Variants in KDM4B observed in about 807,000 individuals in gnomAD.
The protein encoded by KDM4B is lysine demethylase 4B, also known as lysine-specific demethylase 4B.
A neutral mutation model predicts 125.2 loss-of-function variants in KDM4B; 32 were observed. The ratio of observed to expected loss-of-function variants is 0.26; its 90% CI spans 0.19 to 0.34. The LOEUF (loss-of-function observed/expected upper bound fraction) is 0.34, where lower values mean the gene tolerates loss of function less well. KDM4B is among the 10% of genes least tolerant of loss of function. KDM4B has a pLI of 1.00. For missense variants in KDM4B, 1,190 were observed against 1,577.7 expected (o/e 0.75, Z 4.16); for synonymous variants, 721 against 677.9 (o/e 1.06, Z -0.99).
At chr19:5,139,342 C>G (rs1684737049) in intron 18 of KDM4B, among the ~76,000 whole-genome samples, 1 of 151,502 alleles carries the variant, frequency 6.6e-6, no homozygotes, top group Non-Finnish European at 1.5e-5. Flanking sequence ...GATCCGGGCA[C>G]CCGCCGATGT....
At chr19:5,038,796 C>T (rs575850625) in intron 3 of KDM4B, among the ~76,000 whole-genome samples, 1 of 152,382 alleles carries the variant, frequency 6.6e-6, no homozygotes, top group Non-Finnish European at 1.5e-5. Context: ...GCACGCTCTG[C>T]ACAGTGCCCA....
At chr19:5,093,002 T>C (rs548912710) in intron 9 of KDM4B, among the ~76,000 whole-genome samples, 1 of 152,326 alleles carries the variant, frequency 6.6e-6, no homozygotes, top group Admixed American at 6.5e-5. Flanking sequence ...CTGTGGTTCA[T>C]ACCTGGAGCT....
chr19:5,089,661 T>C (rs1320348931), intron 9 of KDM4B, among the ~76,000 whole-genome samples: 2 of 151,522 alleles, frequency 1.3e-5, no homozygotes, highest in African/African-American at 2.4e-5. Context: ...CTTAAAAATA[T>C]GCACTAACTT....
chr19:5,063,428 G>T (rs1458953254), intron 6 of KDM4B, among the ~76,000 whole-genome samples: 1 of 152,154 alleles, frequency 6.6e-6, no homozygotes, highest in African/African-American at 2.4e-5. Flanking sequence ...CCTACTGCTT[G>T]CCAACCATGT....
chr19:4,969,177 G>T lies in KDM4B; in HGVS notation c.-162G>T, dbSNP rs1375039131. ...GCGGGGCCTGGGGGTGCGACGCCGAGGGCGGGGGAGAGCGCGCCGCTGCTC... is the reference window on the plus strand; with the variant it reads ...GCGGGGCCTGGGGGTGCGACGCCGATGGCGGGGGAGAGCGCGCCGCTGCTC... On this transcript the variant is annotated 5_prime_UTR_variant, in exon 1 of 23. It adds an upstream start codon to the 5' untranslated region. Coordinates refer to ENST00000159111, the MANE Select transcript of KDM4B (RefSeq NM_015015.3). 6.6e-6 allele frequency: 1 copy of T among 150,394 alleles called. No homozygotes were observed. Among genetic ancestry groups the T allele is most frequent in the African/African-American group, 2.4e-5 (1 of 41,202 alleles). The allele number at this position is 150,394 out of a possible 1,614,324, so 9.3% of individuals were successfully genotyped here.
chr19:5,131,891 C>T lies in KDM4B; in HGVS notation c.1790C>T (p.Pro597Leu), dbSNP rs142412728. ...ACAGCCTGTTGTGTGTTTCAGGCAC[C>T]GTCCACATTTTCCAAATTGAAGATG... ...TKARAGEGQA[P>L]STFSKLKMEI... is the part of the protein sequence containing the mutation. Residue 597 changes from proline (P) to leucine (L), a missense_variant, in exon 13 of 23, where the codon CCG becomes CTG. Transcript: ENST00000159111. 61 of 1,612,632 alleles carry T rather than the reference C, an allele frequency of 3.8e-5. No homozygotes were observed. The highest frequency in any genetic ancestry group is 4.4e-5 in the Non-Finnish European group (52 of 1,179,864).
At chr19:5,125,516 C>T (rs891893597) in intron 11 of KDM4B, among the ~76,000 whole-genome samples, 3 of 152,220 alleles carry the variant, frequency 2.0e-5, no homozygotes, top group African/African-American at 7.2e-5. Context: ...AGGCCCTGGC[C>T]TGGTCACTCA....
intron 10 of KDM4B, chr19:5,119,159 A>G: frequency 6.5e-7 from 1 of 1,534,982 alleles, no homozygotes; most frequent in South Asian, 1.2e-5. Flanking sequence ...AGAAAGACTG[A>G]GGAGGAGAGG....
intron 5 of KDM4B, 29 bp downstream of exon 5, chr19:5,041,280 G>T: frequency 6.4e-7 from 1 of 1,557,394 alleles, no homozygotes. Context: ...GGAAGAACAG[G>T]GACCAGCTTC....
chr19:5,146,182 T>C (rs1287222047), intron 21 of KDM4B, among the ~76,000 whole-genome samples: 1 of 144,870 alleles, frequency 6.9e-6, no homozygotes, highest in African/African-American at 2.6e-5. Context: ...CGCCTTGCCA[T>C]GCAGGCCGGC....
intron 10 of KDM4B, among the ~76,000 whole-genome samples, chr19:5,117,325 G>A (rs912961226): frequency 6.6e-6 from 1 of 151,986 alleles, no homozygotes; most frequent in Non-Finnish European, 1.5e-5. Flanking sequence ...TTCAGGGTGG[G>A]GGTGGAGGGA....
intron 9 of KDM4B, among the ~76,000 whole-genome samples, chr19:5,096,655 T>C (rs1485801636): frequency 5.3e-5 from 8 of 149,994 alleles, no homozygotes; most frequent in African/African-American, 2.0e-4. Flanking sequence ...GGCGCCTGCC[T>C]GGTGGAGGAA....
rs769783719 is a variant in KDM4B, at chr19:5,082,381, C to G, written c.795C>G (p.Ala265=). The stretch of plus-strand genomic sequence containing the variant: ...TCCCTCTGCAGATCACGCAGGAGGC[C>G]GGGGAATTCATGATCACATTTCCCT... ...GIPFSRITQE[A]GEFMITFPYG... The change falls in exon 9 of 23, where the codon GCC becomes GCG. Residue 265 remains alanine (A), a synonymous_variant. Transcript: ENST00000159111. This position sits in a 1 kb window ranked among gnomAD's most constrained non-coding sequence, Gnocchi z 5.4. 1 of 1,613,670 alleles carries G rather than the reference C, an allele frequency of 6.2e-7. No homozygotes were observed. The highest frequency in any genetic ancestry group is 1.1e-5 in the South Asian group (1 of 91,074).
intron 9 of KDM4B, among the ~76,000 whole-genome samples, chr19:5,092,878 G>A (rs1351515820): frequency 6.6e-6 from 1 of 152,134 alleles, no homozygotes; most frequent in Non-Finnish European, 1.5e-5. Flanking sequence ...AACCTGGAGA[G>A]TGAGAGAGAA....
intron 21 of KDM4B, 84 bp downstream of exon 21, chr19:5,144,986 C>A: frequency 6.4e-7 from 1 of 1,573,544 alleles, no homozygotes; most frequent in Non-Finnish European, 8.6e-7. Context: ...CACCCCTGGC[C>A]CAGGTGCCTT....
chr19:5,108,486 G>C (rs1002149189), intron 9 of KDM4B, among the ~76,000 whole-genome samples: 4 of 152,120 alleles, frequency 2.6e-5, no homozygotes, highest in African/African-American at 4.8e-5. Flanking sequence ...TGGGTAAGGT[G>C]GGGGGAGGCA....
intron 21 of KDM4B, 110 bp from the exon 22 acceptor site, chr19:5,150,248 G>A: frequency 1.3e-6 from 1 of 759,226 alleles, no homozygotes; most frequent in Non-Finnish European, 2.2e-6. Context: ...GCCTCTAGCG[G>A]GCCCCATGCA....
chr19:5,118,157 C>G, intron 10 of KDM4B, among the ~76,000 whole-genome samples: 1 of 152,214 alleles, frequency 6.6e-6, no homozygotes, highest in East Asian at 1.9e-4. Context: ...CCACCCCACC[C>G]CTGTCAGATG....
In KDM4B at chr19:5,135,586, G is replaced by A. The variant is rs748809753; in HGVS notation, c.2308+25G>A. On this transcript the variant is annotated intron_variant, in intron 15 of 22. Transcript: ENST00000159111. Reference sequence around the variant, plus strand: ...AGTGAGTGCCACTGTGGGGCCCAGAGGAGCTGCGCCCTCCTTCAGGGTGTT... The same window carrying A: ...AGTGAGTGCCACTGTGGGGCCCAGAAGAGCTGCGCCCTCCTTCAGGGTGTT... 5 of 1,549,160 alleles carry A rather than the reference G, an allele frequency of 3.2e-6. No individual in the cohort carries two copies. In the Admixed American group the frequency reaches 7.5e-5, roughly 23 times the overall value.
Sources: gnomAD v4.1 joint callset for allele counts (sites outside exome capture counted in the v4.1 genomes callset) on GRCh38, gnomAD v4.1.1 for gene constraint, Gnocchi (gnomAD v3.1) non-coding constraint, MANE v1.5 for transcripts, NCBI Gene and HGNC (gene_info 2026-07-23, HGNC 2026-07-21) for gene names.